XPO4: variants seen among roughly 807,000 people sequenced by gnomAD.
XPO4 encodes the protein exportin-4.
XPO4 carries 39 observed loss-of-function variants against 143.0 expected under a neutral mutation model. The observed-to-expected ratio is 0.27, with a 90% confidence interval of 0.21 to 0.36. The LOEUF (loss-of-function observed/expected upper bound fraction) is 0.36. Ranked by LOEUF, XPO4 falls within the 10% of genes least tolerant of loss-of-function variation. The pLI is 1.00. For missense variants in XPO4, 907 were observed against 1,348.0 expected (o/e 0.67, Z 5.12); for synonymous variants, 439 against 474.0 (o/e 0.93, Z 0.96).
chr13:20,874,585 T>A (rs1356939439), intron 1 of XPO4, among the ~76,000 whole-genome samples: 1 of 152,186 alleles, frequency 6.6e-6, no homozygotes, highest in East Asian at 1.9e-4. Context: ...TCTCTCTCTT[T>A]CTTGCTCATG....
chr13:20,889,530 C>G (rs911633022), intron 1 of XPO4, among the ~76,000 whole-genome samples: 1 of 152,130 alleles, frequency 6.6e-6, no homozygotes, highest in Non-Finnish European at 1.5e-5. Context: ...AAACATCCTA[C>G]AATGCACGAA....
rs1367822344 is a variant in XPO4, at chr13:20,786,968, G to A, written c.3255C>T (p.His1085=). 6 of 1,556,214 alleles carry A rather than the reference G, an allele frequency of 3.9e-6. No homozygotes were observed. The highest frequency in any genetic ancestry group is 4.4e-6 in the Non-Finnish European group (5 of 1,148,750). The part of the protein sequence containing the change: ...GEAFYTLVCL[H]QAEYSELVET... ...TGAAAAGAGGCATGTCCAGTACCTG[G>A]TGCAAACACACCAACGTGTAGAAAG... Residue 1085 remains histidine, a synonymous_variant, in exon 22 of 23, where the codon CAC becomes CAT. Coordinates refer to ENST00000255305, the MANE Select transcript of XPO4 (RefSeq NM_022459.5).
intron 18 of XPO4, among the ~76,000 whole-genome samples, chr13:20,793,196 C>A (rs916631837): frequency 2.0e-5 from 3 of 151,986 alleles, no homozygotes; most frequent in Admixed American, 1.3e-4. Flanking sequence ...ATAAAATATT[C>A]TCTTCCTTTT....
In XPO4 at chr13:20,826,782, G is replaced by A. The variant is rs143988331; in HGVS notation, c.840+285C>T. On this transcript the variant is annotated intron_variant, in intron 7 of 22. Transcript: ENST00000255305. Reference sequence around the variant, plus strand: ...ACAGGACAAATATAACCTATATAAAGAAAAGCTCTTTGGAGTTCTCAATAA... The same window carrying A: ...ACAGGACAAATATAACCTATATAAAAAAAAGCTCTTTGGAGTTCTCAATAA... Among the ~76,000 whole-genome samples, 855 of 152,272 alleles carry A rather than the reference G, an allele frequency of 5.6e-3. 2 individuals are homozygous for A. Among genetic ancestry groups the A allele is most frequent in the Middle Eastern group, 0.017 (5 of 294 alleles).
chr13:20,854,327 G>A (rs2078823102), intron 4 of XPO4, among the ~76,000 whole-genome samples: 2 of 152,132 alleles, frequency 1.3e-5, no homozygotes, highest in East Asian at 3.9e-4. Flanking sequence ...AAAAGTGATG[G>A]ACAGGAAGGC....
chr13:20,792,148 A>C (rs1322959457), intron 18 of XPO4, among the ~76,000 whole-genome samples: 1 of 152,214 alleles, frequency 6.6e-6, no homozygotes, highest in Non-Finnish European at 1.5e-5. Context: ...TCAAGAAAGC[A>C]GGTCGGATAC....
At chr13:20,868,465 T>C in intron 2 of XPO4, 131 bp downstream of exon 2, 1 of 1,316,408 alleles carries the variant, frequency 7.6e-7, no homozygotes, top group African/African-American at 1.5e-5. Context: ...AGTAGAATGA[T>C]TATTAATTTA....
At chr13:20,848,360 T>C in intron 4 of XPO4, 1 of 985,406 alleles carries the variant, frequency 1.0e-6, no homozygotes, top group South Asian at 4.7e-5. Flanking sequence ...CAAATAACTG[T>C]GGTCAAAGCC....
chr13:20,868,003 T>C (rs2060259703), intron 2 of XPO4, among the ~76,000 whole-genome samples: 1 of 152,220 alleles, frequency 6.6e-6, no homozygotes, highest in African/African-American at 2.4e-5. Flanking sequence ...ATATTTCTTG[T>C]GATTCTTTTA....
intron 1 of XPO4, among the ~76,000 whole-genome samples, chr13:20,898,147 C>G (rs1347010871): frequency 6.6e-6 from 1 of 152,198 alleles, no homozygotes; most frequent in East Asian, 1.9e-4. Context: ...TATAGGACTA[C>G]AGATGTGCAA....
chr13:20,855,164 A>T (rs946089618), intron 4 of XPO4, among the ~76,000 whole-genome samples: 3 of 152,204 alleles, frequency 2.0e-5, no homozygotes, highest in Admixed American at 2.0e-4. Flanking sequence ...ATATATATTT[A>T]AAAAGACTAG....
intron 12 of XPO4, among the ~76,000 whole-genome samples, chr13:20,807,879 T>A (rs928573224): frequency 6.6e-6 from 1 of 152,194 alleles, no homozygotes; most frequent in Non-Finnish European, 1.5e-5. Context: ...CTTTTTAATC[T>A]ACTACCTTAA....
intron 1 of XPO4, among the ~76,000 whole-genome samples, chr13:20,874,018 C>T (rs1253602983): frequency 2.0e-5 from 3 of 152,138 alleles, no homozygotes; most frequent in Non-Finnish European, 4.4e-5. Context: ...TTGTTGCATG[C>T]CCAAGATGAC....
intron 9 of XPO4, among the ~76,000 whole-genome samples, chr13:20,811,367 A>G (rs2059579966): frequency 6.7e-6 from 1 of 149,688 alleles, no homozygotes; most frequent in African/African-American, 2.5e-5. Flanking sequence ...GGCTCACTAC[A>G]GCGTCCGCTT....
At chr13:20,894,419 A>G (rs962233315) in intron 1 of XPO4, among the ~76,000 whole-genome samples, 1 of 152,220 alleles carries the variant, frequency 6.6e-6, no homozygotes, top group African/African-American at 2.4e-5. Flanking sequence ...AATGCCCTGC[A>G]TTTGCATTTA....
intron 1 of XPO4, among the ~76,000 whole-genome samples, chr13:20,899,346 T>TAAA (rs540285081): frequency 1.7e-5 from 2 of 116,696 alleles, no homozygotes. Flanking sequence ...GTAAAAAAAG[T>TAAA]AAAAAAAAAA....
intron 6 of XPO4, among the ~76,000 whole-genome samples, chr13:20,831,593 T>C (rs2059852582): frequency 6.6e-6 from 1 of 152,152 alleles, no homozygotes; most frequent in African/African-American, 2.4e-5. Context: ...CTAAAATAAA[T>C]ACTGAATGCA....
At chr13:20,865,811 G>A (rs549923217) in intron 2 of XPO4, among the ~76,000 whole-genome samples, 1 of 152,156 alleles carries the variant, frequency 6.6e-6, no homozygotes, top group Non-Finnish European at 1.5e-5. Context: ...CTTTGACTCA[G>A]TGATACCTAT....
intron 1 of XPO4, among the ~76,000 whole-genome samples, chr13:20,901,864 C>G (rs1418878587): frequency 2.6e-5 from 4 of 152,214 alleles, no homozygotes; most frequent in Non-Finnish European, 5.9e-5. Context: ...AAAAACAAAG[C>G]TGAGCCAGCA....
Sources: gnomAD v4.1 joint callset for allele counts (sites outside exome capture counted in the v4.1 genomes callset) on GRCh38, gnomAD v4.1.1 for gene constraint, MANE v1.5 for transcripts, NCBI Gene and HGNC (gene_info 2026-07-23, HGNC 2026-07-21) for gene names.